The following LCOR variants were observed in gnomAD, a reference collection of about 807,000 sequenced individuals.
The protein encoded by LCOR is ligand dependent nuclear receptor corepressor.
In LCOR, 14 loss-of-function variants were observed where a neutral mutation model predicts 64.4. That is an observed-to-expected ratio of 0.22 (90% confidence interval 0.14 to 0.34). The LOEUF is 0.34. LCOR is among the 10% of genes least tolerant of loss of function. The pLI is 1.00. For missense variants in LCOR, 1,686 were observed against 1,765.3 expected (o/e 0.96, Z 0.80); for synonymous variants, 643 against 642.5 (o/e 1.00, Z -0.01).
rs1195494845 is a variant in LCOR at position 96,984,665 on chromosome 10, C to T, written c.4205C>T (p.Thr1402Ile). ...KAEVQSKRKRTEGSSPPDSKN... is the reference protein window; with the variant it reads ...KAEVQSKRKRIEGSSPPDSKN... ...GAAGTTCAGAGTAAACGCAAGAGAA[C>T]AGAAGGCAGCAGCCCTCCAGATAGT... Residue 1402 changes from threonine to isoleucine, a missense_variant, in exon 8 of 8, where the codon ACA (threonine) becomes ATA (isoleucine). Transcript: ENST00000421806. 3.1e-6 allele frequency: 5 copies of T among 1,614,084 alleles called. No homozygotes were observed. The South Asian group carries it at 4.4e-5, about 14-fold the overall frequency.
chr10:96,837,115 C>T (rs571846404), intron 2 of LCOR, among the ~76,000 whole-genome samples: 8 of 152,190 alleles, frequency 5.3e-5, no homozygotes, highest in Non-Finnish European at 1.2e-4. Flanking sequence ...CCTCAGCCTC[C>T]GAGTAGCTGG....
rs1327843519 is a variant in LCOR at position 96,986,909 on chromosome 10, A to G, written c.*1775A>G. ...TACAGGCCTTCTACCCATTCTGTTA[A>G]AGGTTTGCTGTATATCATGGGAACT... is the stretch of plus-strand genomic sequence containing the variant. On this transcript the variant is annotated 3_prime_UTR_variant, in exon 8 of 8. Coordinates refer to ENST00000421806, the MANE Select transcript of LCOR (RefSeq NM_001346516.2). 1 of 152,166 alleles carries G rather than the reference A, an allele frequency of 6.6e-6. No individual in the cohort carries two copies. The highest frequency in any genetic ancestry group is 2.4e-5 in the African/African-American group (1 of 41,430). 9.4% of individuals were successfully genotyped at this position (152,166 alleles called of 1,614,324 possible).
chr10:96,984,983 A>G lies in LCOR; in HGVS notation c.4523A>G (p.Gln1508Arg). ...GCCGGTGAATCCTCTTCAAGGCCTC[A>G]GAAAGCCACGAATAGGAAGCAGAGT... ...KGAGESSSRPQKATNRKQSSG... is the reference protein window; with the variant it reads ...KGAGESSSRPRKATNRKQSSG... The change falls in exon 8 of 8, where the codon CAG becomes CGG. Residue 1508 changes from glutamine (Q) to arginine (R), a missense_variant. Physicochemically the swap from Gln to Arg is conservative, Grantham distance 43. Coordinates refer to ENST00000421806, the MANE Select transcript of LCOR (RefSeq NM_001346516.2). The G allele has an allele frequency of 1.2e-6, 2 of 1,614,216 alleles. No homozygotes were observed. The highest frequency in any genetic ancestry group is 1.3e-5 in the African/African-American group (1 of 75,080).
chr10:96,974,935 G>A (rs1410569392), intron 7 of LCOR, among the ~76,000 whole-genome samples: 4 of 152,346 alleles, frequency 2.6e-5, no homozygotes, highest in Admixed American at 1.3e-4. Context: ...TTGGGAAGCC[G>A]AGGCTGGTGG....
intron 7 of LCOR, among the ~76,000 whole-genome samples, chr10:96,967,198 C>T (rs1038137323): frequency 6.6e-6 from 1 of 152,218 alleles, no homozygotes; most frequent in East Asian, 1.9e-4. Flanking sequence ...GGTGCGATCT[C>T]GGCTCACTGT....
At chr10:96,865,419 A>G (rs548667645) in intron 2 of LCOR, among the ~76,000 whole-genome samples, 2 of 152,352 alleles carry the variant, frequency 1.3e-5, no homozygotes. Flanking sequence ...TTGGAGAAGC[A>G]TGAAGGCATT....
chr10:96,851,384 T>G (rs1845719310), intron 2 of LCOR, among the ~76,000 whole-genome samples: 1 of 152,134 alleles, frequency 6.6e-6, no homozygotes, highest in Non-Finnish European at 1.5e-5. Context: ...CTAGCAGCAG[T>G]GAACAGAGAT....
Position 96,983,169 on chromosome 10 carries a change from CGGG to C in LCOR, c.2713_2715del (p.Gly905del). On this transcript the variant is annotated inframe_deletion, in exon 8 of 8. Coordinates refer to ENST00000421806, the MANE Select transcript of LCOR (RefSeq NM_001346516.2). The surrounding 1 kb of genome is among the most constrained non-coding windows in gnomAD (Gnocchi z 4.5). ...AAGATGCTGAGCAGGAGGGCGAAGG[CGGG>C]GGGATCATCACCAGGCAGACTTTGA... 1.2e-6 allele frequency: 2 copies of C among 1,614,012 alleles called. No homozygotes were observed. Among genetic ancestry groups the C allele is most frequent in the Non-Finnish European group, 1.7e-6 (2 of 1,180,016 alleles).
At chr10:96,883,410 T>C (rs779184776) in intron 2 of LCOR, among the ~76,000 whole-genome samples, 2 of 152,236 alleles carry the variant, frequency 1.3e-5, no homozygotes, top group Non-Finnish European at 2.9e-5. Flanking sequence ...TATCATATGA[T>C]AAGAGTATGT....
At chr10:96,967,519 T>A (rs908747647) in intron 7 of LCOR, among the ~76,000 whole-genome samples, 2 of 152,200 alleles carry the variant, frequency 1.3e-5, no homozygotes, top group East Asian at 3.8e-4. Flanking sequence ...TGTTACAGAC[T>A]GAATGGTTTT....
intron 2 of LCOR, among the ~76,000 whole-genome samples, chr10:96,859,508 A>G (rs376360403): frequency 3.3e-5 from 5 of 152,132 alleles, no homozygotes; most frequent in African/African-American, 1.2e-4. Context: ...CACCGCGCCC[A>G]GCCTAGACTT....
At chr10:96,900,031 A>G (rs1846606801) in intron 2 of LCOR, among the ~76,000 whole-genome samples, 1 of 152,192 alleles carries the variant, frequency 6.6e-6, no homozygotes, top group African/African-American at 2.4e-5. Context: ...CTAATTTTAG[A>G]ATATTTCCCT....
chr10:96,875,012 T>C (rs1290360927), intron 2 of LCOR, among the ~76,000 whole-genome samples: 1 of 152,014 alleles, frequency 6.6e-6, no homozygotes, highest in Non-Finnish European at 1.5e-5. Context: ...GAAGCAGAAT[T>C]CCCATACTCA....
intron 7 of LCOR, among the ~76,000 whole-genome samples, chr10:96,980,432 G>A (rs892162267): frequency 5.9e-5 from 9 of 152,110 alleles, no homozygotes; most frequent in East Asian, 1.9e-4. Flanking sequence ...GAAGAATATC[G>A]TCACTAAAAT....
chr10:96,835,923 C>G (rs1256198488), intron 2 of LCOR, among the ~76,000 whole-genome samples: 2 of 152,174 alleles, frequency 1.3e-5, no homozygotes, highest in Non-Finnish European at 2.9e-5. Context: ...AAGGAGTCCT[C>G]TGAGACTAGG....
chr10:96,900,003 T>A (rs78336158), intron 2 of LCOR, among the ~76,000 whole-genome samples: 5,782 of 152,286 alleles, frequency 0.038, 176 homozygotes, highest in Non-Finnish European at 0.06. Context: ...CACAGAATTA[T>A]GCAACCATCA....
At chr10:96,914,629 T>C (rs1197153290) in intron 4 of LCOR, among the ~76,000 whole-genome samples, 5 of 152,230 alleles carry the variant, frequency 3.3e-5, no homozygotes. Flanking sequence ...TTGTTAACAG[T>C]ATAGAAGAAC....
At position 96,980,818 on chromosome 10, in the gene LCOR, G is replaced by A. The variant is rs959181292; in HGVS notation, c.358G>A (p.Val120Ile). 1.3e-5 allele frequency: 9 copies of A among 702,562 alleles called. No individual in the cohort carries two copies. The Admixed American group carries it at 1.8e-4, about 14-fold the overall frequency. 43.5% of individuals were successfully genotyped at this position (702,562 alleles called of 1,614,324 possible). A position where few individuals can be genotyped will look rare whatever the true frequency, so the allele number is the denominator to read the frequency against. ...NGENSTEAKA[V>I]DSNNQSKSPL... is the part of the protein sequence containing the mutation. ...TGAGAACTCAACAGAGGCAAAAGCA[G>A]TAGATTCTAACAATCAGTCGAAGTC... The change falls in exon 8 of 8, where the codon GTA becomes ATA. Residue 120 changes from valine (V) to isoleucine (I), a missense_variant. Val to Ile is a conservative substitution (Grantham distance 29). Transcript: ENST00000421806.
chr10:96,915,831 ATCT>A (rs1411710061), intron 4 of LCOR: 2 of 540,208 alleles, frequency 3.7e-6, no homozygotes, highest in African/African-American at 1.9e-5. Flanking sequence ...AACCTTGCAG[ATCT>A]TCTCTGTGGT....
Sources: gnomAD v4.1 joint callset for allele counts (sites outside exome capture counted in the v4.1 genomes callset) on GRCh38, gnomAD v4.1.1 for gene constraint, Gnocchi (gnomAD v3.1) non-coding constraint, MANE v1.5 for transcripts, NCBI Gene and HGNC (gene_info 2026-07-23, HGNC 2026-07-21) for gene names.